Variants in ABCC4 observed in about 807,000 individuals in gnomAD.
ABCC4 encodes ATP binding cassette subfamily C member 4 (PEL blood group), also known as ATP-binding cassette sub-family C member 4.
ABCC4 carries 102 observed loss-of-function variants against 168.5 expected under a neutral mutation model. The observed-to-expected ratio is 0.61, with a 90% confidence interval of 0.52 to 0.71. ABCC4 has a LOEUF of 0.71. Among genes scored for constraint, ABCC4 ranks in the 30% least tolerant of loss-of-function variants. The pLI is 0.00. For missense variants in ABCC4, 1,402 were observed against 1,605.8 expected, an observed-to-expected ratio of 0.87 and a Z score of 2.17; for synonymous variants, 617 against 590.7, an observed-to-expected ratio of 1.04 and a Z score of -0.65.
chr13:95,109,320 A>G (rs1228084868), intron 20 of ABCC4, among the ~76,000 whole-genome samples: 1 of 152,156 alleles, frequency 6.6e-6, no homozygotes, highest in Non-Finnish European at 1.5e-5. Flanking sequence ...AATGCGAAAG[A>G]GAGACTTTCG....
chr13:95,228,758 T>C (rs1459720174), intron 4 of ABCC4, among the ~76,000 whole-genome samples: 4 of 144,820 alleles, frequency 2.8e-5, no homozygotes, highest in African/African-American at 1.1e-4. Flanking sequence ...AGCAAGACTC[T>C]GTCTTGAAAA....
At chr13:95,217,864 A>G (rs2039167439) in intron 4 of ABCC4, among the ~76,000 whole-genome samples, 2 of 152,172 alleles carry the variant, frequency 1.3e-5, no homozygotes, top group South Asian at 2.1e-4. Flanking sequence ...CCTCTCACAG[A>G]GTCCCCAAAT....
intron 4 of ABCC4, among the ~76,000 whole-genome samples, chr13:95,219,112 T>C (rs2039239201): frequency 6.6e-6 from 1 of 152,206 alleles, no homozygotes; most frequent in Admixed American, 6.5e-5. Flanking sequence ...TAGTACAATC[T>C]AATTAGTCAA....
At chr13:95,184,999 C>T (rs1191346821) in intron 11 of ABCC4, among the ~76,000 whole-genome samples, 1 of 152,142 alleles carries the variant, frequency 6.6e-6, no homozygotes, top group African/African-American at 2.4e-5. Context: ...TAAAATGGAT[C>T]TTCAGGGAAG....
chr13:95,056,790 C>T (rs1036745594), intron 26 of ABCC4, among the ~76,000 whole-genome samples: 1 of 152,124 alleles, frequency 6.6e-6, no homozygotes, highest in Admixed American at 6.5e-5. Flanking sequence ...CAGTGGGCTG[C>T]TTAAAAACTA....
chr13:95,211,688 A>T, intron 4 of ABCC4, among the ~76,000 whole-genome samples: 1 of 152,108 alleles, frequency 6.6e-6, no homozygotes, highest in Admixed American at 6.6e-5. Context: ...ATGGAACAGT[A>T]CGTGTGGTTT....
Position 95,233,557 on chromosome 13 carries a change from T to C in ABCC4, c.531+1053A>G, listed in dbSNP as rs192721439. ...AACTACCTATCAGGTACCACACTCA[T>C]GGCCTGGGGGATGGGATCATCCATA... On this transcript the variant is annotated intron_variant, in intron 4 of 30. Coordinates refer to ENST00000645237, the MANE Select transcript of ABCC4 (RefSeq NM_005845.5). Among the ~76,000 whole-genome samples, 568 of 152,206 alleles carry C rather than the reference T, an allele frequency of 3.7e-3. 2 individuals are homozygous for C. The highest frequency in any genetic ancestry group is 0.013 in the African/African-American group (545 of 41,556).
At position 95,127,174 on chromosome 13, in the gene ABCC4, C is replaced by T. The variant is rs557548370; in HGVS notation, c.2456-11173G>A. 2.2e-4 allele frequency among the ~76,000 whole-genome samples: 34 copies of T among 152,236 alleles called. No individual in the cohort carries two copies. The South Asian group carries it at 6.8e-3, about 31-fold the overall frequency. The stretch of plus-strand genomic sequence containing the variant: ...GTTCACCAGTCATTTCTAAACGCAG[C>T]AGCCAGCTTTTCCCTCATCCTCATT... On this transcript the variant is annotated intron_variant, in intron 19 of 30. Coordinates refer to ENST00000645237, the MANE Select transcript of ABCC4 (RefSeq NM_005845.5).
chr13:95,122,133 G>A (rs1347602494), intron 19 of ABCC4, among the ~76,000 whole-genome samples: 1 of 152,080 alleles, frequency 6.6e-6, no homozygotes, highest in Non-Finnish European at 1.5e-5. Context: ...TTTTTCTAAG[G>A]ATAAATCTGT....
rs978519129 is a variant in ABCC4 at position 95,125,127 on chromosome 13, A to G, written c.2456-9126T>C. Among the ~76,000 whole-genome samples the G allele has an allele frequency of 1.4e-4, 22 of 152,140 alleles. 1 individual carries two copies. The highest frequency in any genetic ancestry group is 3.2e-3 in the Middle Eastern group (1 of 316). On this transcript the variant is annotated intron_variant, in intron 19 of 30. Transcript: ENST00000645237. Reference sequence around the variant, plus strand: ...GAGGCTCAGAGACAGTAAGAAATTAATTCCAGGATGCCTGGCTGTCAGGCA... The same window carrying G: ...GAGGCTCAGAGACAGTAAGAAATTAGTTCCAGGATGCCTGGCTGTCAGGCA...
At chr13:95,138,291 A>G (rs564097353) in intron 19 of ABCC4, among the ~76,000 whole-genome samples, 1 of 152,242 alleles carries the variant, frequency 6.6e-6, no homozygotes, top group Non-Finnish European at 1.5e-5. Context: ...AAATGTGTAC[A>G]TGTCCTTATG....
intron 21 of ABCC4, among the ~76,000 whole-genome samples, chr13:95,080,298 C>A (rs547288531): frequency 1.3e-5 from 2 of 152,184 alleles, no homozygotes; most frequent in Non-Finnish European, 2.9e-5. Flanking sequence ...CAGCCAAATG[C>A]CATTCCGGTT....
At chr13:95,252,661 C>T (rs1482282950) in intron 1 of ABCC4, among the ~76,000 whole-genome samples, 1 of 152,006 alleles carries the variant, frequency 6.6e-6, no homozygotes, top group African/African-American at 2.4e-5. Flanking sequence ...GGTGACAGAG[C>T]GAGACTGTCT....
intron 10 of ABCC4, among the ~76,000 whole-genome samples, chr13:95,187,832 T>C (rs768644895): frequency 6.6e-6 from 1 of 152,134 alleles, no homozygotes; most frequent in Non-Finnish European, 1.5e-5. Flanking sequence ...CCTTCACATC[T>C]TCTACAATGC....
At chr13:95,047,090 C>T (rs1313923860) in intron 27 of ABCC4, among the ~76,000 whole-genome samples, 2 of 152,146 alleles carry the variant, frequency 1.3e-5, no homozygotes, top group African/African-American at 4.8e-5. Context: ...GCAAATGTAG[C>T]AAAATACCGT....
intron 1 of ABCC4, among the ~76,000 whole-genome samples, chr13:95,268,182 T>A (rs2040735094): frequency 6.6e-6 from 1 of 152,226 alleles, no homozygotes; most frequent in South Asian, 2.1e-4. Context: ...AGACATGTGC[T>A]GTGTTGACTC....
chr13:95,022,634 A>C (rs1416735775), intron 30 of ABCC4, among the ~76,000 whole-genome samples: 1 of 152,212 alleles, frequency 6.6e-6, no homozygotes, highest in African/African-American at 2.4e-5. Flanking sequence ...TTGAATCTTT[A>C]AAACAGAAAA....
At chr13:95,221,459 G>T (rs902208341) in intron 4 of ABCC4, among the ~76,000 whole-genome samples, 1 of 151,924 alleles carries the variant, frequency 6.6e-6, no homozygotes, top group African/African-American at 2.4e-5. Flanking sequence ...GAACTCCAAG[G>T]CTCAAGCGAT....
At chr13:95,283,805 G>T (rs2041190182) in intron 1 of ABCC4, among the ~76,000 whole-genome samples, 1 of 151,746 alleles carries the variant, frequency 6.6e-6, no homozygotes, top group Non-Finnish European at 1.5e-5. Flanking sequence ...GGCTGAGGCA[G>T]GAGAATCACT....
Sources: allele counts gnomAD v4.1 joint callset (sites outside exome capture counted in the v4.1 genomes callset), GRCh38; gene constraint gnomAD v4.1.1; transcripts MANE v1.5; gene names NCBI Gene and HGNC (gene_info 2026-07-23, HGNC 2026-07-21).